CCDC3: variants seen among roughly 807,000 people sequenced by gnomAD.
CCDC3 encodes coiled-coil domain containing 3.
CCDC3 carries 24 observed loss-of-function variants against 21.4 expected under a neutral mutation model. That is an observed-to-expected ratio of 1.12 (90% CI 0.81 to 1.58). The LOEUF is 1.58. CCDC3 is among the 40% of genes most tolerant of loss of function. The pLI is 0.00. For missense variants in CCDC3, 425 were observed against 360.9 expected (o/e 1.18, Z -1.44); for synonymous variants, 186 against 166.0 (o/e 1.12, Z -0.93).
intron 5 of CCDC3, among the ~76,000 whole-genome samples, chr10:13,036,990 G>T (rs1836386242): frequency 6.6e-6 from 1 of 151,528 alleles, no homozygotes. Flanking sequence ...TCACTGTGTT[G>T]CCTAGGCTGG....
chr10:13,075,456 T>C (rs955377156), intron 3 of CCDC3, among the ~76,000 whole-genome samples: 2 of 152,236 alleles, frequency 1.3e-5, no homozygotes, highest in Non-Finnish European at 2.9e-5. Context: ...TGTTTTTTTT[T>C]TCTAGACGTC....
At chr10:12,997,918 CA>C (rs759132992) in intron 2 of CCDC3, among the ~76,000 whole-genome samples, 4 of 150,606 alleles carry the variant, frequency 2.7e-5, no homozygotes, top group East Asian at 3.9e-4. Context: ...AGCTGATAAG[CA>C]AAAAAAAATT....
chr10:12,921,358 T>G (rs1834447075), intron 2 of CCDC3, among the ~76,000 whole-genome samples: 1 of 152,176 alleles, frequency 6.6e-6, no homozygotes, highest in Non-Finnish European at 1.5e-5. Context: ...GCTGTCTGTG[T>G]ACGTCTGTGG....
At chr10:12,969,393 G>A (rs1034343984) in intron 2 of CCDC3, among the ~76,000 whole-genome samples, 2 of 151,974 alleles carry the variant, frequency 1.3e-5, no homozygotes, top group African/African-American at 2.4e-5. Flanking sequence ...ACAGTATGGA[G>A]TTTCCTCAAA....
chr10:12,898,984 G>A (rs573990292), intron 2 of CCDC3, among the ~76,000 whole-genome samples: 11 of 152,272 alleles, frequency 7.2e-5, no homozygotes, highest in Admixed American at 3.9e-4. Context: ...AAAGAGCCCC[G>A]CTTTGGTAGA....
intron 5 of CCDC3, among the ~76,000 whole-genome samples, chr10:13,023,712 A>C (rs1040586134): frequency 5.9e-5 from 9 of 152,096 alleles, no homozygotes; most frequent in African/African-American, 2.2e-4. Flanking sequence ...CTACATGAAA[A>C]ATATAATTAT....
chr10:13,064,792 A>G (rs1836804499), intron 4 of CCDC3, among the ~76,000 whole-genome samples: 1 of 152,222 alleles, frequency 6.6e-6, no homozygotes, highest in Admixed American at 6.5e-5. Context: ...TGTCTAATAA[A>G]TAAATAAATA....
intron 2 of CCDC3, among the ~76,000 whole-genome samples, chr10:12,938,832 C>T (rs886707528): frequency 1.3e-5 from 2 of 152,188 alleles, no homozygotes; most frequent in African/African-American, 4.8e-5. Context: ...ACACTGTCTC[C>T]TATATAATGC....
rs1269477553 is a variant in CCDC3, at chr10:13,063,022, C to T, written c.-270+10846G>A. Among the ~76,000 whole-genome samples, 3 of 152,124 alleles carry T rather than the reference C, an allele frequency of 2.0e-5. No homozygotes were observed. In the East Asian group the frequency reaches 5.8e-4, roughly 29 times the overall value. On this transcript the variant is annotated intron_variant, in intron 4 of 6. Coordinates refer to the CCDC3 transcript ENST00000378839. ...GCTCACTGGCTTACCGATTTCATCT[C>T]TGACCAATCAGCACTCCTGGCTCAC...
At position 12,898,138 on chromosome 10, in the gene CCDC3, C is replaced by G. The variant is rs1365165970; in HGVS notation, c.*278G>C. On this transcript the variant is annotated 3_prime_UTR_variant, in exon 3 of 3. Transcript: ENST00000378825. ...CAGTCAGGGCTCTTTCTGGGCTGCT[C>G]TGCAGGCGAGCATTCAGCACTCAGG... The G allele has an allele frequency of 2.1e-6, 1 of 472,228 alleles. No homozygotes were observed. The highest frequency in any genetic ancestry group is 3.8e-6 in the Non-Finnish European group (1 of 266,654). The allele number at this position is 472,228 out of a possible 1,614,324, so 29.3% of individuals were successfully genotyped here.
rs1252136130 is a variant in CCDC3 at position 13,026,447 on chromosome 10, G to A, written c.-2+23227C>T. On this transcript the variant is annotated intron_variant, in intron 5 of 6. Coordinates refer to the CCDC3 transcript ENST00000378839. ...GAACAAAGGTGTAGTTTTTAAATGGGAGTTTAATTTTGTTTCTTGGCTTCA... is the reference window on the plus strand; with the variant it reads ...GAACAAAGGTGTAGTTTTTAAATGGAAGTTTAATTTTGTTTCTTGGCTTCA... 2.0e-5 allele frequency among the ~76,000 whole-genome samples: 3 copies of A among 152,252 alleles called. No homozygotes were observed. The East Asian group carries it at 5.8e-4, about 29-fold the overall frequency.
At chr10:13,041,149 T>C (rs1233267985) in intron 5 of CCDC3, among the ~76,000 whole-genome samples, 2 of 152,122 alleles carry the variant, frequency 1.3e-5, no homozygotes, top group Admixed American at 6.6e-5. Context: ...TTCTCAAAAA[T>C]AACACCCAAA....
chr10:13,096,167 C>T (rs1320640060), intron 3 of CCDC3, among the ~76,000 whole-genome samples: 1 of 97,766 alleles, frequency 1.0e-5, no homozygotes, highest in African/African-American at 3.4e-5. Context: ...CTCCTTCTTA[C>T]CTTTCTTCCT....
chr10:12,916,186 C>A (rs1417708187), intron 2 of CCDC3, among the ~76,000 whole-genome samples: 1 of 152,210 alleles, frequency 6.6e-6, no homozygotes. Flanking sequence ...GAAGTCCCAG[C>A]ACTTTGGGAG....
intron 2 of CCDC3, among the ~76,000 whole-genome samples, chr10:12,907,528 C>G (rs911781265): frequency 2.6e-5 from 4 of 152,154 alleles, no homozygotes; most frequent in Admixed American, 6.5e-5. Flanking sequence ...ACCTATACTC[C>G]CAGCTACGCG....
At chr10:12,906,681 C>G (rs116406192) in intron 2 of CCDC3, among the ~76,000 whole-genome samples, 1,732 of 152,274 alleles carry the variant, frequency 0.011, 30 homozygotes, top group African/African-American at 0.039. Flanking sequence ...GTCAATGAAC[C>G]TGTCTTGGCT....
At chr10:12,951,804 C>CAAAAAAAAAAAAA (rs71924811) in intron 2 of CCDC3, among the ~76,000 whole-genome samples, 2 of 60,492 alleles carry the variant, frequency 3.3e-5, no homozygotes, top group Non-Finnish European at 5.3e-5. Context: ...GACTTCATCT[C>CAAAAAAAAAAAAA]AAAAAAAAAA....
intron 5 of CCDC3, among the ~76,000 whole-genome samples, chr10:13,040,998 G>A (rs1836447277): frequency 6.6e-6 from 1 of 151,964 alleles, no homozygotes; most frequent in African/African-American, 2.4e-5. Context: ...ATGTTCTCAA[G>A]GGCTCAGCCT....
At chr10:13,058,101 C>T (rs1836705773) in intron 4 of CCDC3, 1 of 786,258 alleles carries the variant, frequency 1.3e-6, no homozygotes, top group Non-Finnish European at 2.3e-6. Flanking sequence ...TGGTGTACTT[C>T]TGCAATAAAT....
Sources: gnomAD v4.1 joint callset for allele counts (sites outside exome capture counted in the v4.1 genomes callset) on GRCh38, gnomAD v4.1.1 for gene constraint, MANE v1.5 for transcripts, NCBI Gene and HGNC (gene_info 2026-07-23, HGNC 2026-07-21) for gene names.